The following UBAP1 variants were observed in gnomAD, a reference collection of about 807,000 sequenced individuals.
UBAP1 encodes the protein ubiquitin associated protein 1, also known as ubiquitin-associated protein 1.
A neutral mutation model predicts 39.0 loss-of-function variants in UBAP1; 5 were observed. The observed-to-expected ratio is 0.13, with a 90% CI of 0.07 to 0.27. UBAP1 has a LOEUF of 0.27. Ranked by LOEUF, UBAP1 falls within the 10% of genes least tolerant of loss-of-function variation. The pLI, the probability that UBAP1 is intolerant of heterozygous loss-of-function variation, is 1.00. For missense variants in UBAP1, 490 were observed against 608.1 expected, an observed-to-expected ratio of 0.81 and a Z score of 2.04; for synonymous variants, 211 against 225.1, an observed-to-expected ratio of 0.94 and a Z score of 0.56.
chr9:34,179,909 C>A (rs1587765485), intron 1 of UBAP1, among the ~76,000 whole-genome samples: 1 of 152,106 alleles, frequency 6.6e-6, no homozygotes, highest in Non-Finnish European at 1.5e-5. Context: ...GTAATTGTTT[C>A]CAGACTAGCG....
In UBAP1 at chr9:34,251,576, G is replaced by A. The variant is rs1834535006; in HGVS notation, c.*44G>A. On this transcript the variant is annotated 3_prime_UTR_variant, in exon 7 of 7. Coordinates refer to ENST00000297661, the MANE Select transcript of UBAP1 (RefSeq NM_016525.5). The stretch of plus-strand genomic sequence containing the variant: ...CCCTGCCGCAGAACCACCATCCCTG[G>A]GAGGCCCTGCAGAGCCCACCTGTGG... The A allele has an allele frequency of 6.2e-7, 1 of 1,603,250 alleles. No homozygotes were observed. The highest frequency in any genetic ancestry group is 8.5e-7 in the Non-Finnish European group (1 of 1,175,468).
chr9:34,181,936 C>T (rs1364796775), intron 1 of UBAP1, among the ~76,000 whole-genome samples: 1 of 149,716 alleles, frequency 6.7e-6, no homozygotes, highest in Non-Finnish European at 1.5e-5. Context: ...AGACAAGTCT[C>T]ATCAATGATT....
At chr9:34,236,927 C>T (rs554073286) in intron 3 of UBAP1, among the ~76,000 whole-genome samples, 18 of 152,128 alleles carry the variant, frequency 1.2e-4, no homozygotes, top group Admixed American at 9.8e-4. Context: ...CTCCAAACCA[C>T]GTTACTAGTA....
chr9:34,251,529 C>G lies in UBAP1; in HGVS notation c.1506C>G (p.Ser502Arg). The change falls in exon 7 of 7, where the codon AGC becomes AGG. Residue 502 changes from serine (S) to arginine (R), a missense_variant. Around this residue, in one of 3 missense-constraint regions of UBAP1, gnomAD observed 339 missense variants for 390.0 expected, o/e 0.87. Coordinates refer to ENST00000297661, the MANE Select transcript of UBAP1 (RefSeq NM_016525.5). ...ACCTCATGGCTCGGGCAGGAGCCAG[C>G]TGAGACCAGGCCCTGCCTAGGCCCT... ...LEDLMARAGA[S>R] is the part of the protein sequence containing the mutation. 1 of 1,613,800 alleles carries G rather than the reference C, an allele frequency of 6.2e-7. No homozygotes were observed. Among genetic ancestry groups the G allele is most frequent in the Non-Finnish European group, 8.5e-7 (1 of 1,179,880 alleles).
chr9:34,219,248 C>T (rs1470690333), intron 1 of UBAP1, among the ~76,000 whole-genome samples: 4 of 151,960 alleles, frequency 2.6e-5, no homozygotes, highest in Admixed American at 1.3e-4. Context: ...AACACCACAC[C>T]GGCAAATTTT....
intron 4 of UBAP1, among the ~76,000 whole-genome samples, chr9:34,249,228 T>TGGGTTCCTGAGCTGTCC (rs1168029438): frequency 6.6e-6 from 1 of 152,122 alleles, no homozygotes; most frequent in African/African-American, 2.4e-5. Context: ...CTCAAAACCC[T>TGGGTTCCTGAGCTGTCC]GGGTTCCTGA....
At chr9:34,224,597 T>G in intron 2 of UBAP1, 1 of 409,074 alleles carries the variant, frequency 2.4e-6, no homozygotes, top group East Asian at 4.8e-5. Context: ...GGTCTTGCGG[T>G]GCTTGTGTCA....
chr9:34,246,327 A>G (rs1226843721), intron 4 of UBAP1, among the ~76,000 whole-genome samples: 1 of 152,172 alleles, frequency 6.6e-6, no homozygotes, highest in African/African-American at 2.4e-5. Context: ...CAGCCTCCCA[A>G]AGTGCTGGGA....
chr9:34,216,979 T>C (rs895752385), intron 1 of UBAP1, among the ~76,000 whole-genome samples: 1 of 152,140 alleles, frequency 6.6e-6, no homozygotes, highest in Non-Finnish European at 1.5e-5. Context: ...ATGGTAACTT[T>C]AATCATTCAT....
chr9:34,220,755 G>C (rs923729211), intron 1 of UBAP1, among the ~76,000 whole-genome samples, 153 bp from the exon 2 acceptor site: 1 of 152,136 alleles, frequency 6.6e-6, no homozygotes, highest in Non-Finnish European at 1.5e-5. Context: ...GAGCCACAGT[G>C]CCTGGATCTT....
intron 1 of UBAP1, among the ~76,000 whole-genome samples, 191 bp downstream of exon 1, chr9:34,179,431 G>T (rs1829891459): frequency 6.6e-6 from 1 of 152,090 alleles, no homozygotes; most frequent in African/African-American, 2.4e-5. Flanking sequence ...CGGAGTGAGG[G>T]GACCGGAGTT....
chr9:34,226,105 T>TTGTGTGTGTGTGTGTGTGTGTGTGTG (rs74180553), intron 2 of UBAP1, among the ~76,000 whole-genome samples: 84 of 88,236 alleles, frequency 9.5e-4, no homozygotes, highest in Middle Eastern at 5.3e-3. Flanking sequence ...TCCTACTCTA[T>TTGTGTGTGTGTGTGTGTGTGTGTGTG]TGTGTGTGTG....
chr9:34,225,815 C>T lies in UBAP1; in HGVS notation c.34+4867C>T, dbSNP rs999612856. 3.3e-5 allele frequency among the ~76,000 whole-genome samples: 5 copies of T among 151,028 alleles called. No individual in the cohort carries two copies. The South Asian group carries it at 6.3e-4, about 19-fold the overall frequency. ...AAAAAAGAAAAGAAAAAAGAAATCT[C>T]AATCCTCTTTCACTGATTCTTATTT... On this transcript the variant is annotated intron_variant, in intron 2 of 6. Transcript: ENST00000297661.
In UBAP1 at chr9:34,241,247, A is replaced by C; in HGVS notation, c.222A>C (p.Glu74Asp). The change falls in exon 4 of 7, where the codon GAA (glutamate) becomes GAC (aspartate). Residue 74 changes from glutamate to aspartate, a missense_variant. Glu to Asp is a conservative substitution (Grantham distance 45). Around this residue, in one of 3 missense-constraint regions of UBAP1, gnomAD observed 144 missense variants for 184.4 expected, o/e 0.78. Coordinates refer to ENST00000297661, the MANE Select transcript of UBAP1 (RefSeq NM_016525.5). The stretch of plus-strand genomic sequence containing the variant: ...CTGAAGAGATTAAGAAAATCGAAGA[A>C]GCCGAGCGGGAAGCAGAGTGCAAAA... ...EWAEEIKKIE[E>D]AEREAECKIA... The C allele has an allele frequency of 6.7e-7, 1 of 1,502,660 alleles. No individual in the cohort carries two copies. The highest frequency in any genetic ancestry group is 8.9e-7 in the Non-Finnish European group (1 of 1,127,080). 93.1% of individuals were successfully genotyped at this position (1,502,660 alleles called of 1,614,324 possible).
At position 34,197,088 on chromosome 9, in the gene UBAP1, C is replaced by T. The variant is rs139122220; in HGVS notation, c.-8+17848C>T. On this transcript the variant is annotated intron_variant, in intron 1 of 6. Transcript: ENST00000297661. ...GACTACAGGCGTGTGCCACCACACCCGGCTAATTTTTGTATTTTTAGTAGA... is the reference window on the plus strand; with the variant it reads ...GACTACAGGCGTGTGCCACCACACCTGGCTAATTTTTGTATTTTTAGTAGA... Among the ~76,000 whole-genome samples, 1,398 of 151,784 alleles carry T rather than the reference C, an allele frequency of 9.2e-3. 22 individuals carry two copies. The highest frequency in any genetic ancestry group is 0.031 in the African/African-American group (1,294 of 41,406).
intron 1 of UBAP1, among the ~76,000 whole-genome samples, chr9:34,210,454 C>T (rs1248918937): frequency 2.6e-5 from 4 of 152,164 alleles, no homozygotes; most frequent in African/African-American, 9.7e-5. Flanking sequence ...TGCGGTGGCT[C>T]ACACCTGTAA....
chr9:34,204,228 A>G (rs561351041), intron 1 of UBAP1, among the ~76,000 whole-genome samples: 134 of 152,268 alleles, frequency 8.8e-4, no homozygotes, highest in African/African-American at 3.0e-3. Context: ...TCGGGAGGCT[A>G]AGGCACAAGA....
At chr9:34,238,648 G>A (rs1022664927) in intron 3 of UBAP1, among the ~76,000 whole-genome samples, 2 of 152,048 alleles carry the variant, frequency 1.3e-5, no homozygotes, top group South Asian at 4.1e-4. Context: ...CTGAATTAAT[G>A]TTCCTTTTGT....
At position 34,249,831 on chromosome 9, in the gene UBAP1, C is replaced by G; in HGVS notation, c.1136C>G (p.Pro379Arg). 6.2e-7 allele frequency: 1 copy of G among 1,614,192 alleles called. No homozygotes were observed. Among genetic ancestry groups the G allele is most frequent in the South Asian group, 1.1e-5 (1 of 91,090 alleles). ...VSQVPNMPSC[P>R]QAYSELQMLS... ...CAAGTGCCCAACATGCCCAGCTGTC[C>G]CCAGGCCTATTCTGAACTGCAGATG... is the stretch of plus-strand genomic sequence containing the variant. The change falls in exon 5 of 7, where the codon CCC becomes CGC. Residue 379 changes from proline to arginine, a missense_variant. This residue lies in a region of UBAP1 where 339 missense variants were observed against 390.0 expected (regional missense o/e 0.87). Transcript: ENST00000297661.
Sources: gnomAD v4.1 joint callset for allele counts (sites outside exome capture counted in the v4.1 genomes callset) on GRCh38, gnomAD v4.1.1 for gene constraint, gnomAD v4.1.1 regional missense constraint, MANE v1.5 for transcripts, NCBI Gene and HGNC (gene_info 2026-07-23, HGNC 2026-07-21) for gene names.